ENAH: variants seen among roughly 807,000 people sequenced by gnomAD.
ENAH encodes the protein ENAH actin regulator.
Under a neutral mutation model 78.7 loss-of-function variants are expected in ENAH, and 23 were observed. That is an observed-to-expected ratio of 0.29 (90% confidence interval 0.21 to 0.41). The LOEUF is 0.41. Among genes scored for constraint, ENAH ranks in the 10% least tolerant of loss-of-function variants. The probability of loss-of-function intolerance (pLI) is 1.00; values close to 1 mark genes in which losing one functional copy is unlikely to be tolerated. For synonymous variants in ENAH, 226 were observed against 241.0 expected (o/e 0.94, Z 0.58); for missense variants, 544 against 691.0 (o/e 0.79, Z 2.39).
intron 4 of ENAH, among the ~76,000 whole-genome samples, chr1:225,525,659 C>T (rs1009633860): frequency 6.6e-6 from 1 of 152,182 alleles, no homozygotes; most frequent in Non-Finnish European, 1.5e-5. Context: ...CTCCTGGATG[C>T]TGTCATGGGT....
intron 1 of ENAH, among the ~76,000 whole-genome samples, chr1:225,643,633 T>C (rs1661461375): frequency 6.6e-6 from 1 of 152,168 alleles, no homozygotes; most frequent in Admixed American, 6.6e-5. Flanking sequence ...TGTAGCTATA[T>C]AGTTAGGAAC....
intron 2 of ENAH, among the ~76,000 whole-genome samples, chr1:225,564,484 G>A (rs1357965101): frequency 2.0e-5 from 3 of 148,058 alleles, no homozygotes; most frequent in South Asian, 2.1e-4. Context: ...TAGTAGAGAC[G>A]GGGTTTCACC....
chr1:225,517,937 A>C (rs2096434641), intron 5 of ENAH: 1 of 1,549,656 alleles, frequency 6.5e-7, no homozygotes, highest in East Asian at 2.4e-5. Flanking sequence ...GGAGGCTGGC[A>C]ACTGGAATAC....
At chr1:225,513,100 A>C (rs549978496) in intron 7 of ENAH, 84 bp from the exon 8 acceptor site, 2 of 1,214,928 alleles carry the variant, frequency 1.6e-6, no homozygotes, top group Non-Finnish European at 2.2e-6. Flanking sequence ...AACAGAAGGA[A>C]ACATCAGCAT....
Position 225,494,848 on chromosome 1 carries a change from C to A in ENAH, c.*2927G>T, listed in dbSNP as rs749804842. 4 of 152,558 alleles carry A rather than the reference C, an allele frequency of 2.6e-5. No homozygotes were observed. Among genetic ancestry groups the A allele is most frequent in the African/African-American group, 9.6e-5 (4 of 41,492 alleles). The allele number at this position is 152,558 out of a possible 1,614,324, so 9.5% of individuals were successfully genotyped here. ...TGCAATTTTATTTCAATCGCACAAA[C>A]GAAGTTAGCGTGTAGGAAACTTAAA... On this transcript the variant is annotated 3_prime_UTR_variant, in exon 14 of 14. Transcript: ENST00000366843.
chr1:225,613,163 T>C (rs747590584), intron 1 of ENAH, among the ~76,000 whole-genome samples: 2 of 152,230 alleles, frequency 1.3e-5, no homozygotes, highest in Non-Finnish European at 2.9e-5. Context: ...CTTAGAGTAC[T>C]CTTTTCCCTG....
At chr1:225,639,404 AC>A (rs1321679654) in intron 1 of ENAH, among the ~76,000 whole-genome samples, 5 of 152,234 alleles carry the variant, frequency 3.3e-5, no homozygotes, top group Admixed American at 1.3e-4. Flanking sequence ...CTGTAACAGT[AC>A]TAAGAAGTGA....
intron 1 of ENAH, among the ~76,000 whole-genome samples, chr1:225,627,550 A>G (rs1225998297): frequency 6.6e-6 from 1 of 152,248 alleles, no homozygotes; most frequent in African/African-American, 2.4e-5. Context: ...TGCTGTTATG[A>G]GGCCAGAGGA....
At chr1:225,626,560 G>C (rs1299724657) in intron 1 of ENAH, among the ~76,000 whole-genome samples, 2 of 152,242 alleles carry the variant, frequency 1.3e-5, no homozygotes, top group Non-Finnish European at 2.9e-5. Context: ...GCAGAGAGCA[G>C]CATTCAACCA....
At chr1:225,643,347 C>G (rs1378714898) in intron 1 of ENAH, among the ~76,000 whole-genome samples, 3 of 151,504 alleles carry the variant, frequency 2.0e-5, no homozygotes, top group African/African-American at 4.9e-5. Context: ...GTGAAGGTGA[C>G]CTGGTAGGAC....
At chr1:225,559,757 G>GT (rs1465135619) in intron 2 of ENAH, among the ~76,000 whole-genome samples, 1 of 152,162 alleles carries the variant, frequency 6.6e-6, no homozygotes, top group Non-Finnish European at 1.5e-5. Context: ...TCAGCAGACA[G>GT]TAAGAGAATC....
chr1:225,571,352 G>A (rs546819814), intron 1 of ENAH, among the ~76,000 whole-genome samples: 112 of 151,486 alleles, frequency 7.4e-4, no homozygotes, highest in African/African-American at 2.7e-3. Context: ...CAGCCTGGGC[G>A]ACAGAGTGAG....
At chr1:225,516,626 C>T (rs1462335183) in intron 6 of ENAH, among the ~76,000 whole-genome samples, 14 of 152,082 alleles carry the variant, frequency 9.2e-5, no homozygotes, top group Non-Finnish European at 2.9e-5. Flanking sequence ...GTAATCCTAG[C>T]AACTTTGGGA....
At chr1:225,620,144 C>T (rs1357745895) in intron 1 of ENAH, among the ~76,000 whole-genome samples, 2 of 151,860 alleles carry the variant, frequency 1.3e-5, no homozygotes. Context: ...GATTTGAAAG[C>T]TGGAACTATC....
intron 5 of ENAH, among the ~76,000 whole-genome samples, chr1:225,518,631 T>C (rs1487694985): frequency 6.6e-6 from 1 of 152,222 alleles, no homozygotes; most frequent in Non-Finnish European, 1.5e-5. Flanking sequence ...TAATAAACGT[T>C]AAAATATCTC....
Position 225,636,872 on chromosome 1 carries a change from G to A in ENAH, c.5+15814C>T, listed in dbSNP as rs555251619. 1.2e-4 allele frequency among the ~76,000 whole-genome samples: 18 copies of A among 152,112 alleles called. No individual in the cohort carries two copies. The South Asian group carries it at 3.1e-3, about 26-fold the overall frequency. On this transcript the variant is annotated intron_variant, in intron 1 of 13. Coordinates refer to ENST00000366843, the MANE Select transcript of ENAH (RefSeq NM_018212.6). ...AATGTATGTATGACACACCAAAAGA[G>A]CTAGTCGACAAAAACTATGAAAAGA...
chr1:225,514,542 A>T, intron 7 of ENAH, 54 bp downstream of exon 7: 1 of 1,206,376 alleles, frequency 8.3e-7, no homozygotes, highest in Non-Finnish European at 1.2e-6. Context: ...TCAACATTTT[A>T]GATATTTAGG....
intron 1 of ENAH, among the ~76,000 whole-genome samples, chr1:225,570,389 T>A (rs1327677495): frequency 6.9e-6 from 1 of 144,914 alleles, no homozygotes; most frequent in Non-Finnish European, 1.5e-5. Flanking sequence ...TATACATGGA[T>A]TTTTTTTTTC....
At chr1:225,587,070 T>C (rs1368615390) in intron 1 of ENAH, among the ~76,000 whole-genome samples, 1 of 152,180 alleles carries the variant, frequency 6.6e-6, no homozygotes, top group Admixed American at 6.5e-5. Context: ...GATCATATAT[T>C]AAAATATCTA....
Sources: gnomAD v4.1 joint callset for allele counts (sites outside exome capture counted in the v4.1 genomes callset) on GRCh38, gnomAD v4.1.1 for gene constraint, MANE v1.5 for transcripts, NCBI Gene and HGNC (gene_info 2026-07-23, HGNC 2026-07-21) for gene names.